The following PRH1 variants were observed in gnomAD, a reference collection of about 807,000 sequenced individuals.
PRH1 encodes the protein salivary acidic proline-rich phosphoprotein 1/2.
PRH1 carries 7 observed loss-of-function variants against 7.9 expected under a neutral mutation model. That is an observed-to-expected ratio of 0.89 (90% confidence interval 0.50 to 1.67). The LOEUF (loss-of-function observed/expected upper bound fraction) is 1.67, where lower values mean the gene tolerates loss of function less well. PRH1 is among the 40% of genes most tolerant of loss of function. The pLI is 0.00. For missense variants in PRH1, 109 were observed against 223.6 expected, an observed-to-expected ratio of 0.49 and a Z score of 3.27; for synonymous variants, 45 against 80.8, an observed-to-expected ratio of 0.56 and a Z score of 2.38.
At chr12:11,068,932 TGG>T (rs1943941576) in intron 1 of PRH1, among the ~76,000 whole-genome samples, 2 of 120,352 alleles carry the variant, frequency 1.7e-5, no homozygotes, top group East Asian at 4.7e-4. Context: ...TTTTGAGACA[TGG>T]TCTCACTCTG....
chr12:11,006,897 G>A (rs920825374), intron 1 of PRH1, among the ~76,000 whole-genome samples: 22 of 152,000 alleles, frequency 1.4e-4, no homozygotes, highest in African/African-American at 4.8e-4. Flanking sequence ...CTTGCTATAC[G>A]CTGAAATTTT....
At chr12:10,953,811 T>A (rs1253556698) in intron 2 of PRH1, among the ~76,000 whole-genome samples, 2 of 152,096 alleles carry the variant, frequency 1.3e-5, no homozygotes, top group African/African-American at 4.8e-5. Flanking sequence ...CACATAGTCA[T>A]CAGATTCTCC....
intron 1 of PRH1, among the ~76,000 whole-genome samples, chr12:11,070,472 A>G (rs1944017091): frequency 6.6e-6 from 1 of 150,392 alleles, no homozygotes; most frequent in Non-Finnish European, 1.5e-5. Flanking sequence ...CACAAGTCAA[A>G]GATCTAACAC....
chr12:10,892,328 A>G (rs1301497838), intron 2 of PRH1, among the ~76,000 whole-genome samples: 1 of 152,148 alleles, frequency 6.6e-6, no homozygotes, highest in Non-Finnish European at 1.5e-5. Context: ...TATATCATCT[A>G]TTTTCTTCCT....
In PRH1 at chr12:11,073,932, C is replaced by T. The variant is rs532182402; in HGVS notation, n.124-26744G>A. Among the ~76,000 whole-genome samples the T allele has an allele frequency of 5.0e-3, 604 of 120,442 alleles. 5 individuals carry two copies. Among genetic ancestry groups the T allele is most frequent in the African/African-American group, 0.016 (581 of 36,188 alleles). 79.0% of individuals were successfully genotyped at this position (120,442 alleles called of 152,430 possible). A position where few individuals can be genotyped will look rare whatever the true frequency, so the allele number is the denominator to read the frequency against. On this transcript the variant is annotated intron_variant and non_coding_transcript_variant, in intron 1 of 4. Coordinates refer to the PRH1 transcript ENST00000541977. ...AAAATGCAAGTGCAGAACATTAATC[C>T]AAGCAAAAAGCCCCTCAAGCACAAG... is the stretch of plus-strand genomic sequence containing the variant.
At chr12:11,103,473 G>A (rs1256189809) in intron 1 of PRH1, among the ~76,000 whole-genome samples, 1 of 151,574 alleles carries the variant, frequency 6.6e-6, no homozygotes, top group Non-Finnish European at 1.5e-5. Context: ...CTCACTCATA[G>A]GTGGGAACTG....
rs1945042536 is a variant in PRH1 at position 11,094,921 on chromosome 12, A to G, written n.124-47733T>C. Among the ~76,000 whole-genome samples, 2 of 93,288 alleles carry G rather than the reference A, an allele frequency of 2.1e-5. 1 individual carries two copies. Among genetic ancestry groups the G allele is most frequent in the Non-Finnish European group, 4.9e-5 (2 of 40,452 alleles). The allele number at this position is 93,288 out of a possible 152,430, so 61.2% of individuals were successfully genotyped here. A position where few individuals can be genotyped will look rare whatever the true frequency, so the allele number is the denominator to read the frequency against. On this transcript the variant is annotated intron_variant and non_coding_transcript_variant, in intron 1 of 4. Coordinates refer to the PRH1 transcript ENST00000541977. The stretch of plus-strand genomic sequence containing the variant: ...CTTCGCATCTCCTGATATAAGCAAT[A>G]TCCATAATTTATAATGGTTATTTCC...
rs1332679439 is a variant in PRH1 at position 11,091,553 on chromosome 12, T to G, written n.124-44365A>C. ...GAAGGAGATCACAGTTTGCAAAGCT[T>G]TTATGTGGACCTTGGTGCTGGGATC... On this transcript the variant is annotated intron_variant and non_coding_transcript_variant, in intron 1 of 4. Transcript: ENST00000541977. 6 of 1,435,682 alleles carry G rather than the reference T, an allele frequency of 4.2e-6. No homozygotes were observed. The East Asian group carries it at 1.1e-4, about 27-fold the overall frequency. 88.9% of individuals were successfully genotyped at this position (1,435,682 alleles called of 1,614,324 possible). A position where few individuals can be genotyped will look rare whatever the true frequency, so the allele number is the denominator to read the frequency against.
intron 1 of PRH1, among the ~76,000 whole-genome samples, chr12:11,076,390 G>A (rs1403196100): frequency 5.5e-5 from 3 of 54,130 alleles, no homozygotes; most frequent in East Asian, 4.5e-4. Context: ...AGTTTCATTT[G>A]ATTATCATCT....
intron 1 of PRH1, among the ~76,000 whole-genome samples, chr12:11,109,751 G>A (rs746849617): frequency 1.3e-5 from 2 of 151,950 alleles, no homozygotes; most frequent in African/African-American, 2.4e-5. Context: ...TCCAAAAACC[G>A]GAAGCCTCTT....
chr12:10,905,014 T>TAAA (rs35998107), intron 2 of PRH1, among the ~76,000 whole-genome samples: 5 of 146,450 alleles, frequency 3.4e-5, no homozygotes, highest in Non-Finnish European at 3.0e-5. Flanking sequence ...ATCAAAAAGT[T>TAAA]AAAAAAAAAA....
rs77279405 is a variant in PRH1, at chr12:11,153,217, G to A, written n.39+18205C>T. ...ACTTATAAGTGTGCTAGAAAACTTGGAGAAAGAAAAATTATGAACTTAAGG... is the reference window on the plus strand; with the variant it reads ...ACTTATAAGTGTGCTAGAAAACTTGAAGAAAGAAAAATTATGAACTTAAGG... On this transcript the variant is annotated intron_variant and non_coding_transcript_variant, in intron 1 of 1. Coordinates refer to the PRH1 transcript ENST00000541175. 3.7e-4 allele frequency among the ~76,000 whole-genome samples: 57 copies of A among 152,208 alleles called. 1 individual carries two copies. Among genetic ancestry groups the A allele is most frequent in the African/African-American group, 1.4e-3 (57 of 41,524 alleles).
At chr12:11,149,457 G>C (rs1946989833) in intron 1 of PRH1, among the ~76,000 whole-genome samples, 1 of 151,780 alleles carries the variant, frequency 6.6e-6, no homozygotes, top group South Asian at 2.1e-4. Flanking sequence ...CATGGTACTG[G>C]TACCAAAACA....
intron 2 of PRH1, chr12:10,938,397 C>A: frequency 6.2e-7 from 1 of 1,614,002 alleles, no homozygotes; most frequent in Non-Finnish European, 8.5e-7. Flanking sequence ...GAAGGATAAG[C>A]CATTCCCATC....
intron 2 of PRH1, among the ~76,000 whole-genome samples, chr12:10,955,581 A>G (rs975317337): frequency 3.9e-5 from 6 of 152,202 alleles, no homozygotes; most frequent in African/African-American, 1.4e-4. Flanking sequence ...AACCAAAATC[A>G]GAGCTGAACT....
At chr12:11,019,735 T>G (rs1371549542) in intron 1 of PRH1, among the ~76,000 whole-genome samples, 1 of 152,296 alleles carries the variant, frequency 6.6e-6, no homozygotes, top group African/African-American at 2.4e-5. Flanking sequence ...GCTTTTATTT[T>G]TACTTCTTTT....
intron 2 of PRH1, among the ~76,000 whole-genome samples, chr12:10,970,087 C>T (rs1938732192): frequency 6.6e-6 from 1 of 152,150 alleles, no homozygotes; most frequent in Non-Finnish European, 1.5e-5. Flanking sequence ...CAGACGTGAG[C>T]CACTGCACCT....
intron 1 of PRH1, among the ~76,000 whole-genome samples, chr12:10,995,052 T>G (rs904562005): frequency 2.6e-5 from 4 of 152,186 alleles, no homozygotes; most frequent in Admixed American, 1.3e-4. Flanking sequence ...ACTTTTGCTC[T>G]GAGAAATTCT....
chr12:11,047,124 G>C, exon 1 of PRH1: 1 of 454,126 alleles, frequency 2.2e-6, no homozygotes, highest in South Asian at 1.6e-5. Flanking sequence ...AACTTCCAAT[G>C]TTTAAAAAGC....
Sources: gnomAD v4.1 joint callset for allele counts (sites outside exome capture counted in the v4.1 genomes callset) on GRCh38, gnomAD v4.1.1 for gene constraint, MANE v1.5 for transcripts, NCBI Gene and HGNC (gene_info 2026-07-23, HGNC 2026-07-21) for gene names.